The following ALG11 variants were observed in gnomAD, a reference collection of about 807,000 sequenced individuals.
ALG11 encodes GDP-Man:Man(3)GlcNAc(2)-PP-Dol alpha-1,2-mannosyltransferase.
ALG11 carries 26 observed loss-of-function variants against 38.8 expected under a neutral mutation model. The ratio of observed to expected loss-of-function variants is 0.67; its 90% CI spans 0.49 to 0.93. The LOEUF (loss-of-function observed/expected upper bound fraction) is 0.93, where lower values mean the gene tolerates loss of function less well. Among genes scored for constraint, ALG11 ranks in the 40% least tolerant of loss-of-function variants. ALG11 has a pLI of 0.00. For synonymous variants in ALG11, 199 were observed against 211.6 expected, an observed-to-expected ratio of 0.94 and a Z score of 0.52; for missense variants, 535 against 578.8, an observed-to-expected ratio of 0.92 and a Z score of 0.78.
At chr13:52,019,706 C>T (rs533777093) in intron 2 of ALG11, among the ~76,000 whole-genome samples, 21 of 152,216 alleles carry the variant, frequency 1.4e-4, no homozygotes, top group African/African-American at 5.1e-4. Flanking sequence ...TTTGTGAAGC[C>T]GTGGCAGGTG....
At position 52,024,521 on chromosome 13, in the gene ALG11, A is replaced by G. The variant is rs191121799; in HGVS notation, c.791A>G (p.His264Arg). 27 of 1,614,170 alleles carry G rather than the reference A, an allele frequency of 1.7e-5. No homozygotes were observed. Among genetic ancestry groups the G allele is most frequent in the Middle Eastern group, 3.3e-4 (2 of 6,062 alleles). ...VMVNSSWTLN[H>R]ILSLWKVGNC... ...GTCAATTCTTCTTGGACACTAAACCATATTCTCTCACTATGGAAAGTTGGG... is the reference window on the plus strand; with the variant it reads ...GTCAATTCTTCTTGGACACTAAACCGTATTCTCTCACTATGGAAAGTTGGG... The change falls in exon 3 of 4, where the codon CAT (histidine) becomes CGT (arginine). Residue 264 changes from histidine (H) to arginine (R), a missense_variant. Coordinates refer to ENST00000521508, the MANE Select transcript of ALG11 (RefSeq NM_001004127.3).
rs113691366 is a variant in ALG11, at chr13:52,024,208, G to A, written c.478G>A (p.Gly160Ser). ...CCAAAGTCTAGGATCCATTTTTCTTGGCTGGGAAGCTCTAATGCAGTGTGT... is the reference window on the plus strand; with the variant it reads ...CCAAAGTCTAGGATCCATTTTTCTTAGCTGGGAAGCTCTAATGCAGTGTGT... Reference protein sequence around the residue: ...LGQSLGSIFLGWEALMQCVPD... With the variant: ...LGQSLGSIFLSWEALMQCVPD... The change falls in exon 3 of 4, where the codon GGC becomes AGC. Residue 160 changes from glycine to serine, a missense_variant. By Grantham distance (56) the Gly-to-Ser change is moderately conservative. Coordinates refer to ENST00000521508, the MANE Select transcript of ALG11 (RefSeq NM_001004127.3). The A allele has an allele frequency of 1.2e-6, 2 of 1,613,962 alleles. No individual in the cohort carries two copies. Among genetic ancestry groups the A allele is most frequent in the East Asian group, 2.2e-5 (1 of 44,870 alleles).
Position 52,012,549 on chromosome 13 carries a change from A to G in ALG11, c.44+87A>G, listed in dbSNP as rs1954080952. ...CAGTGTAGCTAAATTTTGCGGGCAAATGGCCTTCCTTGTCATGAATCTAAG... is the reference window on the plus strand; with the variant it reads ...CAGTGTAGCTAAATTTTGCGGGCAAGTGGCCTTCCTTGTCATGAATCTAAG... On this transcript the variant is annotated intron_variant, in intron 1 of 3. Transcript: ENST00000521508. 5 of 1,572,892 alleles carry G rather than the reference A, an allele frequency of 3.2e-6. No homozygotes were observed. In the South Asian group the frequency reaches 5.6e-5, roughly 18 times the overall value.
Position 52,024,218 on chromosome 13 carries a change from C to G in ALG11, c.488C>G (p.Ala163Gly). The G allele has an allele frequency of 6.2e-7, 1 of 1,614,102 alleles. No individual in the cohort carries two copies. The highest frequency in any genetic ancestry group is 1.6e-4 in the Middle Eastern group (1 of 6,062). ...SLGSIFLGWE[A>G]LMQCVPDVYI... ...GGATCCATTTTTCTTGGCTGGGAAGCTCTAATGCAGTGTGTTCCTGATGTT... is the reference window on the plus strand; with the variant it reads ...GGATCCATTTTTCTTGGCTGGGAAGGTCTAATGCAGTGTGTTCCTGATGTT... The change falls in exon 3 of 4, where the codon GCT becomes GGT. Residue 163 changes from alanine to glycine, a missense_variant. Ala to Gly is a moderately conservative substitution (Grantham distance 60). Transcript: ENST00000521508.
Position 52,029,079 on chromosome 13 carries a change from C to A in ALG11, c.*489C>A, listed in dbSNP as rs774951619. The A allele has an allele frequency of 6.2e-7, 1 of 1,614,218 alleles. No individual in the cohort carries two copies. The highest frequency in any genetic ancestry group is 1.1e-5 in the South Asian group (1 of 91,084). ...CTGGGCCTTGCAGATCTGCTTGAGC[C>A]CGTTAAAACTTCATCTTCTTTGGCC... On this transcript the variant is annotated 3_prime_UTR_variant, in exon 4 of 4. Transcript: ENST00000521508.
chr13:52,014,100 A>G (rs1954114943), intron 1 of ALG11, among the ~76,000 whole-genome samples: 2 of 152,206 alleles, frequency 1.3e-5, no homozygotes, highest in Non-Finnish European at 2.9e-5. Context: ...TAAACATAAG[A>G]TCAATATATA....
chr13:52,027,777 T>C (rs1436987118), intron 3 of ALG11, among the ~76,000 whole-genome samples: 1 of 152,264 alleles, frequency 6.6e-6, no homozygotes, highest in Admixed American at 6.5e-5. Flanking sequence ...TTCACTTTTT[T>C]ATTTTTTCTG....
chr13:52,012,804 C>G (rs1029212185), intron 1 of ALG11, among the ~76,000 whole-genome samples: 1 of 151,916 alleles, frequency 6.6e-6, no homozygotes, highest in African/African-American at 2.4e-5. Flanking sequence ...GATTGAGCCA[C>G]GAGACATTTT....
intron 1 of ALG11, chr13:52,016,715 T>C (rs1434791439): frequency 2.0e-5 from 3 of 152,338 alleles, no homozygotes; most frequent in Admixed American, 1.3e-4. Flanking sequence ...GCAGAAGATG[T>C]ATAGAAACGC....
intron 3 of ALG11, among the ~76,000 whole-genome samples, chr13:52,025,800 C>T (rs1954235097): frequency 6.6e-6 from 1 of 152,220 alleles, no homozygotes; most frequent in African/African-American, 2.4e-5. Flanking sequence ...ATGAGGATAA[C>T]ATAAAAGTGA....
In ALG11 at chr13:52,031,332, A is replaced by G; in HGVS notation, c.*2742A>G. 2 of 632,502 alleles carry G rather than the reference A, an allele frequency of 3.2e-6. No homozygotes were observed. Among genetic ancestry groups the G allele is most frequent in the Non-Finnish European group, 5.3e-6 (2 of 377,812 alleles). The allele number at this position is 632,502 out of a possible 1,614,324, so 39.2% of individuals were successfully genotyped here. A position where few individuals can be genotyped will look rare whatever the true frequency, so the allele number is the denominator to read the frequency against. On this transcript the variant is annotated 3_prime_UTR_variant, in exon 4 of 4. Coordinates refer to ENST00000521508, the MANE Select transcript of ALG11 (RefSeq NM_001004127.3). ...AGTACATTTAAATTCTAAACAATAC[A>G]GTGGATGACCCTTTTGAATATACCT...
Position 52,012,403 on chromosome 13 carries a change from C to T in ALG11, c.-16C>T. ...AGGAAAGTGAAGCGTTTCCTGAGTT[C>T]GGGGGTCGGCGGAAGATGGCGGCCG... is the stretch of plus-strand genomic sequence containing the variant. On this transcript the variant is annotated 5_prime_UTR_variant, in exon 1 of 4. Coordinates refer to ENST00000521508, the MANE Select transcript of ALG11 (RefSeq NM_001004127.3). 1.9e-6 allele frequency: 3 copies of T among 1,614,002 alleles called. No individual in the cohort carries two copies. The highest frequency in any genetic ancestry group is 1.7e-6 in the Non-Finnish European group (2 of 1,180,022).
rs753947756 is a variant in ALG11, at chr13:52,030,878, C to T, written c.*2288C>T. 9.3e-6 allele frequency: 15 copies of T among 1,614,050 alleles called. No homozygotes were observed. The highest frequency in any genetic ancestry group is 1.6e-4 in the Middle Eastern group (1 of 6,084). ...GCTTCCATATCCATTTACCCACCATCGGCAATTTGAAAGGACCATCCAGAC... is the reference window on the plus strand; with the variant it reads ...GCTTCCATATCCATTTACCCACCATTGGCAATTTGAAAGGACCATCCAGAC... On this transcript the variant is annotated 3_prime_UTR_variant, in exon 4 of 4. Coordinates refer to ENST00000521508, the MANE Select transcript of ALG11 (RefSeq NM_001004127.3).
rs749647219 is a variant in ALG11, at chr13:52,029,067, A to G, written c.*477A>G. The G allele has an allele frequency of 5.6e-6, 9 of 1,614,264 alleles. No individual in the cohort carries two copies. In the South Asian group the frequency reaches 9.9e-5, roughly 18 times the overall value. On this transcript the variant is annotated 3_prime_UTR_variant, in exon 4 of 4. Transcript: ENST00000521508. ...TCAGGAGAAAAGCTGGGCCTTGCAG[A>G]TCTGCTTGAGCCCGTTAAAACTTCA...
Position 52,029,832 on chromosome 13 carries a change from A to G in ALG11, c.*1242A>G, listed in dbSNP as rs764376673. ...AAACTCCAGGTAGCCTCTGAGAGTGAGGAAGAGGAGGGAGGCACAGAAGTG... is the reference window on the plus strand; with the variant it reads ...AAACTCCAGGTAGCCTCTGAGAGTGGGGAAGAGGAGGGAGGCACAGAAGTG... On this transcript the variant is annotated 3_prime_UTR_variant, in exon 4 of 4. Transcript: ENST00000521508. The G allele has an allele frequency of 9.3e-6, 15 of 1,614,102 alleles. No homozygotes were observed. The Admixed American group carries it at 2.3e-4, about 25-fold the overall frequency.
In ALG11 at chr13:52,029,775, A is replaced by G; in HGVS notation, c.*1185A>G. On this transcript the variant is annotated 3_prime_UTR_variant, in exon 4 of 4. Transcript: ENST00000521508. ...CTGGAGGCTCGCCAAGCTATGCAGG[A>G]ACAGTTGGCCAAGAACAAAGAACTG... 1 of 1,614,252 alleles carries G rather than the reference A, an allele frequency of 6.2e-7. No homozygotes were observed. The highest frequency in any genetic ancestry group is 8.5e-7 in the Non-Finnish European group (1 of 1,180,044).
chr13:52,023,994 A>C lies in ALG11; in HGVS notation c.276-12A>C, dbSNP rs753288972. 6.2e-7 allele frequency: 1 copy of C among 1,613,168 alleles called. No homozygotes were observed. Reference sequence around the variant, plus strand: ...AACTTAATATATTCTTAACCATTACATTCTATTTTAGGTATCCTGAAGCAG... The same window carrying C: ...AACTTAATATATTCTTAACCATTACCTTCTATTTTAGGTATCCTGAAGCAG... On this transcript the variant is annotated splice_polypyrimidine_tract_variant and intron_variant, in intron 2 of 3. Transcript: ENST00000521508.
At position 52,030,613 on chromosome 13, in the gene ALG11, C is replaced by A. The variant is rs1954292413; in HGVS notation, c.*2023C>A. On this transcript the variant is annotated 3_prime_UTR_variant, in exon 4 of 4. Transcript: ENST00000521508. The stretch of plus-strand genomic sequence containing the variant: ...AGGAAGCTTTTGCTGGGGATGATGT[C>A]ATCAGAGATTTCTTGAAAGAGAAGA... 1.9e-6 allele frequency: 3 copies of A among 1,614,154 alleles called. No homozygotes were observed. Among genetic ancestry groups the A allele is most frequent in the Non-Finnish European group, 2.5e-6 (3 of 1,180,020 alleles).
chr13:52,019,048 A>G lies in ALG11; in HGVS notation c.180A>G (p.Lys60=). 1 of 1,614,062 alleles carries G rather than the reference A, an allele frequency of 6.2e-7. No individual in the cohort carries two copies. The highest frequency in any genetic ancestry group is 1.1e-5 in the South Asian group (1 of 91,078). The part of the protein sequence containing the change: ...KKLVSTSKNG[K]NQMVIAFFHP... ...TAGTGTCAACTAGCAAAAATGGGAA[A>G]AATCAAATGGTGATTGCATTTTTTC... The change falls in exon 2 of 4, where the codon AAA becomes AAG. Residue 60 remains lysine (K), a synonymous_variant. Transcript: ENST00000521508.
Sources: gnomAD v4.1 joint callset for allele counts (sites outside exome capture counted in the v4.1 genomes callset) on GRCh38, gnomAD v4.1.1 for gene constraint, MANE v1.5 for transcripts, NCBI Gene and HGNC (gene_info 2026-07-23, HGNC 2026-07-21) for gene names.